The following LRGUK variants were observed in gnomAD, a reference collection of about 807,000 sequenced individuals.
LRGUK encodes the protein leucine rich repeats and guanylate kinase domain containing, also known as leucine-rich repeat and guanylate kinase domain-containing protein.
Under a neutral mutation model 76.0 loss-of-function variants are expected in LRGUK, and 65 were observed. The ratio of observed to expected loss-of-function variants is 0.85; its 90% confidence interval spans 0.70 to 1.05. LRGUK has a LOEUF of 1.05. Ranked by LOEUF, LRGUK falls within the 50% of genes least tolerant of loss-of-function variation. The pLI, the probability that LRGUK is intolerant of heterozygous loss-of-function variation, is 0.00. For synonymous variants in LRGUK, 268 were observed against 265.6 expected (o/e 1.01, Z -0.09); for missense variants, 758 against 732.8 (o/e 1.03, Z -0.40).
chr7:134,135,664 T>C (rs1184038755), intron 1 of LRGUK, among the ~76,000 whole-genome samples: 1 of 152,198 alleles, frequency 6.6e-6, no homozygotes, highest in Non-Finnish European at 1.5e-5. Context: ...AGCCATGTGC[T>C]GCCTCCATGC....
intron 1 of LRGUK, among the ~76,000 whole-genome samples, chr7:134,128,215 C>T (rs919405928): frequency 1.3e-5 from 2 of 151,984 alleles, no homozygotes; most frequent in African/African-American, 2.4e-5. Context: ...CTTATACAAG[C>T]AACATGCACA....
At chr7:134,158,241 T>C in intron 6 of LRGUK, 82 bp downstream of exon 6, 1 of 1,246,738 alleles carries the variant, frequency 8.0e-7, no homozygotes, top group South Asian at 1.6e-5. Flanking sequence ...TACTTAGGAT[T>C]CAAATATATA....
downstream of LRGUK, among the ~76,000 whole-genome samples, chr7:134,265,226 A>G (rs1802835498): frequency 6.6e-6 from 1 of 152,210 alleles, no homozygotes; most frequent in South Asian, 2.1e-4. Flanking sequence ...AAATTATGAA[A>G]TATTTTAGGG....
At chr7:134,145,112 A>C (rs1324209726) in intron 4 of LRGUK, among the ~76,000 whole-genome samples, 1 of 152,192 alleles carries the variant, frequency 6.6e-6, no homozygotes, top group Non-Finnish European at 1.5e-5. Flanking sequence ...GAGAATTACA[A>C]GCAAATATAT....
chr7:134,263,968 G>T (rs146105091), exon 20 of LRGUK: 3 of 1,608,824 alleles, frequency 1.9e-6, no homozygotes, highest in South Asian at 1.1e-5. Context: ...CCTCAGGGCC[G>T]CAGGTAGACT....
the LRGUK span, among the ~76,000 whole-genome samples, chr7:134,275,447 G>A: frequency 3.9e-5 from 6 of 152,278 alleles, no homozygotes; most frequent in East Asian, 1.2e-3. Context: ...TCCAGCAGGA[G>A]AGATGAGAGG....
intron 5 of LRGUK, among the ~76,000 whole-genome samples, chr7:134,153,723 G>A (rs939253934): frequency 2.0e-5 from 3 of 152,100 alleles, no homozygotes; most frequent in African/African-American, 7.2e-5. Flanking sequence ...TTGTCACAGA[G>A]GCATTTAAAC....
intron 11 of LRGUK, among the ~76,000 whole-genome samples, chr7:134,186,820 A>T (rs1471109843): frequency 1.3e-5 from 2 of 152,238 alleles, no homozygotes; most frequent in African/African-American, 4.8e-5. Context: ...ACAAGATGGC[A>T]AAACAGAATC....
the LRGUK span, among the ~76,000 whole-genome samples, chr7:134,273,409 G>A: frequency 1.3e-5 from 2 of 152,108 alleles, no homozygotes; most frequent in African/African-American, 2.4e-5. Flanking sequence ...TCAACCTTGT[G>A]TGCATAACAG....
chr7:134,225,757 T>G (rs1801726195), intron 16 of LRGUK, among the ~76,000 whole-genome samples: 1 of 152,240 alleles, frequency 6.6e-6, no homozygotes, highest in Non-Finnish European at 1.5e-5. Context: ...TATCACATTT[T>G]AGGAGATCTC....
chr7:134,148,330 A>G lies in LRGUK; in HGVS notation c.670+11A>G. On this transcript the variant is annotated intron_variant, in intron 5 of 15. Coordinates refer to ENST00000645682, the Ensembl canonical transcript of LRGUK. Reference sequence around the variant, plus strand: ...AACTAATTTTGGATGGTATCCTTTGAATAAGTAAAGGGGAAAATTTTAAAA... The same window carrying G: ...AACTAATTTTGGATGGTATCCTTTGGATAAGTAAAGGGGAAAATTTTAAAA... The G allele has an allele frequency of 6.7e-7, 1 of 1,502,818 alleles. No homozygotes were observed. Among genetic ancestry groups the G allele is most frequent in the Non-Finnish European group, 9.1e-7 (1 of 1,096,316 alleles). The allele number at this position is 1,502,818 out of a possible 1,614,324, so 93.1% of individuals were successfully genotyped here. A position where few individuals can be genotyped will look rare whatever the true frequency, so the allele number is the denominator to read the frequency against.
chr7:134,223,413 G>A (rs984888482), intron 16 of LRGUK, among the ~76,000 whole-genome samples: 1 of 152,160 alleles, frequency 6.6e-6, no homozygotes, highest in Non-Finnish European at 1.5e-5. Context: ...CTCAGGCTGC[G>A]GCTTCTCAGA....
At chr7:134,272,466 G>A in the LRGUK span, among the ~76,000 whole-genome samples, 5 of 152,046 alleles carry the variant, frequency 3.3e-5, no homozygotes, top group Middle Eastern at 0.01. Context: ...TCAGTGGTAC[G>A]TAAGAAATGC....
At position 134,158,170 on chromosome 7, in the gene LRGUK, C is replaced by T; in HGVS notation, c.795+11C>T. 2 of 1,608,094 alleles carry T rather than the reference C, an allele frequency of 1.2e-6. No homozygotes were observed. Among genetic ancestry groups the T allele is most frequent in the South Asian group, 1.1e-5 (1 of 90,408 alleles). ...AAAATACTTTGTCTGGTGAGTCTAA[C>T]AAAATGCTGTTCTTTATAGAAGTAG... On this transcript the variant is annotated intron_variant, in intron 6 of 15. Coordinates refer to ENST00000645682, the Ensembl canonical transcript of LRGUK.
chr7:134,147,842 A>G (rs2116867381), intron 4 of LRGUK, among the ~76,000 whole-genome samples: 1 of 152,102 alleles, frequency 6.6e-6, no homozygotes, highest in Middle Eastern at 3.4e-3. Context: ...CGGGTGGATC[A>G]TGAGGTCAGG....
At chr7:134,170,883 G>A (rs912021651) in intron 7 of LRGUK, among the ~76,000 whole-genome samples, 3 of 151,960 alleles carry the variant, frequency 2.0e-5, no homozygotes, top group Admixed American at 6.6e-5. Flanking sequence ...GTATGCATTC[G>A]GTTCCATTGA....
chr7:134,247,018 C>A (rs746328165), intron 16 of LRGUK, among the ~76,000 whole-genome samples: 3 of 152,134 alleles, frequency 2.0e-5, no homozygotes, highest in Admixed American at 2.0e-4. Flanking sequence ...AGACCATAAA[C>A]CTTTTGAATG....
intron 7 of LRGUK, among the ~76,000 whole-genome samples, chr7:134,168,001 G>A (rs1421575998): frequency 6.6e-6 from 1 of 152,120 alleles, no homozygotes; most frequent in Admixed American, 6.5e-5. Flanking sequence ...AACTTCATGA[G>A]CTCTGGGACT....
intron 16 of LRGUK, among the ~76,000 whole-genome samples, chr7:134,239,590 G>A (rs888711098): frequency 6.6e-6 from 1 of 152,218 alleles, no homozygotes; most frequent in Non-Finnish European, 1.5e-5. Flanking sequence ...GCTCAAGGAG[G>A]CCTGCCTGCC....
Sources: allele counts gnomAD v4.1 joint callset (sites outside exome capture counted in the v4.1 genomes callset), GRCh38; gene constraint gnomAD v4.1.1; transcripts MANE v1.5; gene names NCBI Gene and HGNC (gene_info 2026-07-23, HGNC 2026-07-21).